ABCB11: variants seen among roughly 807,000 people sequenced by gnomAD.
ABCB11 encodes the protein ATP binding cassette subfamily B member 11.
Under a neutral mutation model 148.0 loss-of-function variants are expected in ABCB11, and 95 were observed. The observed-to-expected ratio is 0.64, with a 90% CI of 0.54 to 0.76. The LOEUF is 0.76. Ranked by LOEUF, ABCB11 falls within the 30% of genes least tolerant of loss-of-function variation. The pLI, the probability that ABCB11 is intolerant of heterozygous loss-of-function variation, is 0.00. For synonymous variants in ABCB11, 591 were observed against 555.4 expected, an observed-to-expected ratio of 1.06 and a Z score of -0.90; for missense variants, 1,523 against 1,617.8, an observed-to-expected ratio of 0.94 and a Z score of 1.01.
In ABCB11 at chr2:168,921,888, G is replaced by A. The variant is rs1280871624; in HGVS notation, c.*1734C>T. 1.4e-5 allele frequency among the ~76,000 whole-genome samples: 2 copies of A among 139,206 alleles called. No individual in the cohort carries two copies. The highest frequency in any genetic ancestry group is 7.6e-5 in the Admixed American group (1 of 13,218). The allele number at this position is 139,206 out of a possible 152,430, so 91.3% of individuals were successfully genotyped here. A position where few individuals can be genotyped will look rare whatever the true frequency, so the allele number is the denominator to read the frequency against. On this transcript the variant is annotated 3_prime_UTR_variant, in exon 28 of 28. Coordinates refer to ENST00000650372, the MANE Select transcript of ABCB11 (RefSeq NM_003742.4). ...CTTTTTTTTTTTTTTTCGCTCTGTC[G>A]CCCAGGCTGGAGTGCAGTGGCGCGA...
intron 10 of ABCB11, among the ~76,000 whole-genome samples, chr2:168,985,178 A>G (rs1249871520): frequency 2.6e-5 from 4 of 152,242 alleles, no homozygotes; most frequent in Admixed American, 2.6e-4. Flanking sequence ...AGGGAAATAC[A>G]AATCAAAACC....
intron 25 of ABCB11, among the ~76,000 whole-genome samples, chr2:168,927,771 C>T (rs1249551661): frequency 6.6e-6 from 1 of 152,138 alleles, no homozygotes. Context: ...ATATAAGGGT[C>T]AAACCTGTTT....
At chr2:168,917,775 T>G (rs1488407762), downstream of ABCB11, among the ~76,000 whole-genome samples, 1 of 152,210 alleles carries the variant, frequency 6.6e-6, no homozygotes, top group East Asian at 1.9e-4. Flanking sequence ...CAACTGAGAT[T>G]CAGACTAGAG....
At chr2:169,002,773 C>T (rs989419874) in intron 5 of ABCB11, among the ~76,000 whole-genome samples, 2 of 151,794 alleles carry the variant, frequency 1.3e-5, no homozygotes, top group African/African-American at 2.4e-5. Context: ...TTACTAAGGG[C>T]TAGAGGTGGG....
chr2:169,012,656 C>A (rs906791488), intron 5 of ABCB11, among the ~76,000 whole-genome samples: 1 of 150,524 alleles, frequency 6.6e-6, no homozygotes, highest in African/African-American at 2.4e-5. Context: ...ATGAGAATCA[C>A]TTGAACCCAA....
chr2:168,944,253 A>C (rs1692199785), intron 21 of ABCB11, among the ~76,000 whole-genome samples: 1 of 149,372 alleles, frequency 6.7e-6, no homozygotes, highest in Admixed American at 6.8e-5. Context: ...GTGAGTAAGG[A>C]GACTTCCTTG....
intron 3 of ABCB11, among the ~76,000 whole-genome samples, chr2:169,016,349 A>T (rs1695355950): frequency 6.6e-6 from 1 of 152,212 alleles, no homozygotes; most frequent in Non-Finnish European, 1.5e-5. Flanking sequence ...TCCCGCCTTC[A>T]TACCAGACTG....
chr2:169,018,413 A>C (rs777529842), intron 1 of ABCB11, among the ~76,000 whole-genome samples: 3 of 152,192 alleles, frequency 2.0e-5, no homozygotes, highest in African/African-American at 7.2e-5. Flanking sequence ...GATAAAGCAA[A>C]ACCATTGATA....
At position 168,944,507 on chromosome 2, in the gene ABCB11, C is replaced by T. The variant is rs1395674295; in HGVS notation, c.2610+98G>A. On this transcript the variant is annotated intron_variant, in intron 21 of 27. Coordinates refer to ENST00000650372, the MANE Select transcript of ABCB11 (RefSeq NM_003742.4). ...TTTAGGATATCCCAATCCCACTGGT[C>T]CCTATTCCATAGAAAACATGCAGGT... The T allele has an allele frequency of 3.8e-6, 5 of 1,330,104 alleles. No individual in the cohort carries two copies. In the South Asian group the frequency reaches 4.4e-5, roughly 12 times the overall value. 82.4% of individuals were successfully genotyped at this position (1,330,104 alleles called of 1,614,324 possible). A position where few individuals can be genotyped will look rare whatever the true frequency, so the allele number is the denominator to read the frequency against.
intron 5 of ABCB11, among the ~76,000 whole-genome samples, chr2:169,011,447 G>A (rs1695184708): frequency 6.6e-6 from 1 of 152,124 alleles, no homozygotes; most frequent in Non-Finnish European, 1.5e-5. Context: ...ATTGCTCTGA[G>A]TTTGTCAAAT....
rs1282148649 is a variant in ABCB11, at chr2:168,944,774, A to G, written c.2449-8T>C. 1.2e-6 allele frequency: 2 copies of G among 1,611,674 alleles called. No homozygotes were observed. The highest frequency in any genetic ancestry group is 1.7e-5 in the Admixed American group (1 of 59,644). ...TTTAGCAAAGGCATATCCCTAAAAC[A>G]TGAAGAGGGAGATGTTAGAGAAATT... On this transcript the variant is annotated splice_region_variant and splice_polypyrimidine_tract_variant and intron_variant, in intron 20 of 27. Transcript: ENST00000650372.
chr2:168,981,747 A>G (rs78576996), intron 10 of ABCB11, among the ~76,000 whole-genome samples: 3,320 of 152,278 alleles, frequency 0.022, 126 homozygotes, highest in African/African-American at 0.073. Flanking sequence ...AAAAGGGCCA[A>G]ATAAATATTT....
intron 19 of ABCB11, among the ~76,000 whole-genome samples, chr2:168,949,659 G>A (rs779945591): frequency 4.6e-5 from 7 of 151,546 alleles, no homozygotes; most frequent in African/African-American, 1.7e-4. Context: ...ATAAACATAT[G>A]AGTGCAGGTA....
At position 168,996,627 on chromosome 2, in the gene ABCB11, C is replaced by A. The variant is rs745477056; in HGVS notation, c.477+8G>T. On this transcript the variant is annotated splice_region_variant and intron_variant, in intron 6 of 27. Coordinates refer to ENST00000650372, the MANE Select transcript of ABCB11 (RefSeq NM_003742.4). ...TTGATCTATAAATTATACGGAGGAG[C>A]TACTAACTTGAATATATCCTGTGAT... 3.4e-5 allele frequency: 50 copies of A among 1,469,460 alleles called. No individual in the cohort carries two copies. In the South Asian group the frequency reaches 6.1e-4, roughly 18 times the overall value. The allele number at this position is 1,469,460 out of a possible 1,614,324, so 91.0% of individuals were successfully genotyped here.
chr2:168,979,182 T>C (rs1444812774), intron 11 of ABCB11, among the ~76,000 whole-genome samples: 1 of 152,130 alleles, frequency 6.6e-6, no homozygotes. Context: ...CTGCCCCTTG[T>C]TCACTCTATT....
At chr2:168,942,151 A>G (rs1290261456) in intron 21 of ABCB11, among the ~76,000 whole-genome samples, 2 of 151,942 alleles carry the variant, frequency 1.3e-5, no homozygotes, top group Admixed American at 1.3e-4. Context: ...ATTTACAGAT[A>G]TAATTGAGAA....
At chr2:169,020,183 A>G (rs1695492995) in intron 1 of ABCB11, among the ~76,000 whole-genome samples, 7 of 152,216 alleles carry the variant, frequency 4.6e-5, no homozygotes, top group Admixed American at 4.6e-4. Context: ...GTTCATTGTT[A>G]TGACAATCTG....
intron 21 of ABCB11, 142 bp from the exon 22 acceptor site, chr2:168,936,575 A>G (rs1277527137): frequency 1.3e-6 from 1 of 748,586 alleles, no homozygotes; most frequent in Non-Finnish European, 2.1e-6. Context: ...TCTTAAGTGT[A>G]CAATTCAGTG....
At chr2:168,948,038 C>T (rs558926775) in intron 19 of ABCB11, among the ~76,000 whole-genome samples, 10 of 151,258 alleles carry the variant, frequency 6.6e-5, no homozygotes, top group East Asian at 2.0e-4. Context: ...AAATGGAGAC[C>T]GGGAGAAGAG....
Sources: allele counts gnomAD v4.1 joint callset (sites outside exome capture counted in the v4.1 genomes callset), GRCh38; gene constraint gnomAD v4.1.1; transcripts MANE v1.5; gene names NCBI Gene and HGNC (gene_info 2026-07-23, HGNC 2026-07-21).